The following EEIG1 variants were observed in gnomAD, a reference collection of about 807,000 sequenced individuals.
EEIG1 encodes estrogen-induced osteoclastogenesis regulator 1.
the EEIG1 span, chr9:127,950,733 C>A: frequency 1.4e-6 from 2 of 1,391,926 alleles, no homozygotes; most frequent in Non-Finnish European, 1.9e-6. Context: ...ACCAACATGG[C>A]AAAGCCAGGA....
the EEIG1 span, among the ~76,000 whole-genome samples, chr9:127,952,356 C>T: frequency 2.6e-5 from 4 of 152,222 alleles, no homozygotes; most frequent in Admixed American, 6.5e-5. Context: ...TTTCCCCTCC[C>T]GGCTGATGAA....
chr9:127,980,258 C>G, the EEIG1 span: 1 of 1,127,082 alleles, frequency 8.9e-7, no homozygotes, highest in African/African-American at 1.6e-5. Context: ...CTGATGGTGG[C>G]GGAGACGGCG....
the EEIG1 span, chr9:127,943,036 G>C: frequency 8.6e-6 from 6 of 699,550 alleles, no homozygotes; most frequent in Non-Finnish European, 1.5e-5. Context: ...GAGGGGCAAT[G>C]GAATGATGCT....
At chr9:127,961,421 A>G in the EEIG1 span, among the ~76,000 whole-genome samples, 3 of 152,208 alleles carry the variant, frequency 2.0e-5, no homozygotes, top group Non-Finnish European at 4.4e-5. Context: ...CATGAGCCCC[A>G]GGTTGGGAGC....
the EEIG1 span, among the ~76,000 whole-genome samples, chr9:127,952,511 T>C: frequency 1.3e-5 from 2 of 152,192 alleles, no homozygotes; most frequent in African/African-American, 4.8e-5. Flanking sequence ...GAAAAGCTCT[T>C]AATACTATGT....
the EEIG1 span, among the ~76,000 whole-genome samples, chr9:127,971,558 G>A: frequency 1.0e-5 from 1 of 99,234 alleles, no homozygotes; most frequent in Non-Finnish European, 2.1e-5. Context: ...GGGGGGGCGG[G>A]TCCAGCAGCT....
chr9:127,978,593 G>T, the EEIG1 span, among the ~76,000 whole-genome samples: 10 of 130,526 alleles, frequency 7.7e-5, no homozygotes, highest in South Asian at 2.4e-3. Flanking sequence ...ACTCTAGAAG[G>T]CCAGGGGGCG....
the EEIG1 span, among the ~76,000 whole-genome samples, chr9:127,965,483 G>A: frequency 6.6e-6 from 1 of 152,168 alleles, no homozygotes; most frequent in Non-Finnish European, 1.5e-5. Context: ...GGTTCCAGCT[G>A]TGCTCCTGGG....
the EEIG1 span, among the ~76,000 whole-genome samples, chr9:127,969,466 TGA>T: frequency 3.2e-3 from 493 of 152,308 alleles, 1 homozygote; most frequent in African/African-American, 0.011. Flanking sequence ...CAGCCTTTAC[TGA>T]GCCCGTACTC....
At chr9:127,977,826 C>G in the EEIG1 span, among the ~76,000 whole-genome samples, 1 of 152,182 alleles carries the variant, frequency 6.6e-6, no homozygotes, top group Non-Finnish European at 1.5e-5. Context: ...GATAATAATC[C>G]TATGGGGCCC....
At chr9:127,945,356 G>C in the EEIG1 span, 4 of 1,573,592 alleles carry the variant, frequency 2.5e-6, no homozygotes, top group Non-Finnish European at 3.4e-6. This position sits in a 1 kb window ranked among gnomAD's most constrained non-coding sequence, Gnocchi z 6.5. Flanking sequence ...GCACCAAGCA[G>C]TAGGCCTCAC....
At chr9:127,965,647 C>T in the EEIG1 span, among the ~76,000 whole-genome samples, 2 of 152,122 alleles carry the variant, frequency 1.3e-5, no homozygotes, top group Admixed American at 6.5e-5. Context: ...GAGGAGTGAG[C>T]GGCAAAGTGA....
the EEIG1 span, among the ~76,000 whole-genome samples, chr9:127,955,332 A>G: frequency 6.6e-3 from 1,006 of 152,288 alleles, 12 homozygotes; most frequent in Non-Finnish European, 9.1e-3. Context: ...GCTCCAAAAG[A>G]AGGCCACCCT....
At chr9:127,941,814 C>T in the EEIG1 span, 2 of 152,070 alleles carry the variant, frequency 1.3e-5, no homozygotes, top group African/African-American at 4.8e-5. Flanking sequence ...CTCACCAGGG[C>T]GAGGAGGCAA....
the EEIG1 span, chr9:127,948,293 A>T: frequency 1.2e-6 from 2 of 1,611,038 alleles, no homozygotes; most frequent in Non-Finnish European, 1.7e-6. Context: ...GAGGACACCC[A>T]GAGTCCCTGT....
At chr9:127,977,027 C>T in the EEIG1 span, among the ~76,000 whole-genome samples, 7 of 151,830 alleles carry the variant, frequency 4.6e-5, no homozygotes, top group Non-Finnish European at 7.4e-5. Context: ...GGGGTAGGAA[C>T]CCAGGAACCC....
the EEIG1 span, among the ~76,000 whole-genome samples, chr9:127,956,173 C>T: frequency 6.6e-6 from 1 of 152,184 alleles, no homozygotes; most frequent in Non-Finnish European, 1.5e-5. Context: ...CATGCTGGCT[C>T]CACTTATTCA....
the EEIG1 span, chr9:127,941,136 C>T: frequency 6.6e-6 from 1 of 152,220 alleles, no homozygotes; most frequent in Non-Finnish European, 1.5e-5. Context: ...GCCTCTGGTT[C>T]CAGCCAGCAT....
chr9:127,947,059 G>T, the EEIG1 span, among the ~76,000 whole-genome samples: 1 of 152,076 alleles, frequency 6.6e-6, no homozygotes, highest in African/African-American at 2.4e-5. Flanking sequence ...CTCCTCTGGG[G>T]GTTGGGGCTC....
Sources: allele counts gnomAD v4.1 joint callset (sites outside exome capture counted in the v4.1 genomes callset), GRCh38; gene constraint gnomAD v4.1.1; non-coding constraint Gnocchi (gnomAD v3.1); transcripts MANE v1.5; gene names NCBI Gene and HGNC (gene_info 2026-07-23, HGNC 2026-07-21).